NCAM1: variants seen among roughly 807,000 people sequenced by gnomAD.
NCAM1 encodes the protein neural cell adhesion molecule 1, also known as antigen recognized by monoclonal antibody 5.1H11.
Under a neutral mutation model 109.8 loss-of-function variants are expected in NCAM1, and 14 were observed. That is an observed-to-expected ratio of 0.13 (90% CI 0.08 to 0.20). The LOEUF (loss-of-function observed/expected upper bound fraction) is 0.20, where lower values mean the gene tolerates loss of function less well. Among genes scored for constraint, NCAM1 ranks in the 10% least tolerant of loss-of-function variants. The pLI, the probability that NCAM1 is intolerant of heterozygous loss-of-function variation, is 1.00. For synonymous variants in NCAM1, 418 were observed against 442.9 expected, an observed-to-expected ratio of 0.94 and a Z score of 0.70; for missense variants, 774 against 1,109.9, an observed-to-expected ratio of 0.70 and a Z score of 4.30.
At chr11:113,004,675 T>C (rs1951849044) in intron 1 of NCAM1, among the ~76,000 whole-genome samples, 1 of 152,084 alleles carries the variant, frequency 6.6e-6, no homozygotes, top group Admixed American at 6.6e-5. Context: ...TTCAGTATCT[T>C]TTTTCTATCC....
At position 113,173,974 on chromosome 11, in the gene NCAM1, TA is replaced by T. The variant is rs1206425162; in HGVS notation, c.53-28394del. On this transcript the variant is annotated intron_variant, in intron 1 of 19. Transcript: ENST00000316851. The stretch of plus-strand genomic sequence containing the variant: ...TAGCCCTAATGAATGTGCTTGATGT[TA>T]AAAAAAAAAATCTCCATGGCATGTT... Among the ~76,000 whole-genome samples, 1,395 of 147,550 alleles carry T rather than the reference TA, an allele frequency of 9.5e-3. 20 individuals carry two copies. Among genetic ancestry groups the T allele is most frequent in the African/African-American group, 0.029 (1,170 of 40,408 alleles).
At chr11:113,263,720 G>C (rs1946070185) in intron 17 of NCAM1, 4 of 985,560 alleles carry the variant, frequency 4.1e-6, no homozygotes, top group Non-Finnish European at 4.8e-6. Flanking sequence ...TCAGCACAGA[G>C]TGGGGCCGTG....
At chr11:113,048,564 G>A (rs540245826) in intron 1 of NCAM1, among the ~76,000 whole-genome samples, 57 of 152,312 alleles carry the variant, frequency 3.7e-4, no homozygotes, top group African/African-American at 1.3e-3. Context: ...ATCTTGCGAG[G>A]CCTACAGTTT....
At position 113,094,594 on chromosome 11, in the gene NCAM1, TG is replaced by T. The variant is rs1939509035; in HGVS notation, c.53-107782del. Among the ~76,000 whole-genome samples the T allele has an allele frequency of 2.6e-5, 4 of 152,234 alleles. No homozygotes were observed. In the South Asian group the frequency reaches 8.3e-4, roughly 32 times the overall value. ...CAAAAGGCTTATTGAGGCCCATGTC[TG>T]GGTGTCATTCCATGTTTCACAAGCA... is the stretch of plus-strand genomic sequence containing the variant. On this transcript the variant is annotated intron_variant, in intron 1 of 19. Coordinates refer to ENST00000316851, the MANE Select transcript of NCAM1 (RefSeq NM_181351.5).
chr11:113,028,704 G>A (rs1323781010), intron 1 of NCAM1, among the ~76,000 whole-genome samples: 1 of 152,114 alleles, frequency 6.6e-6, no homozygotes, highest in Non-Finnish European at 1.5e-5. Flanking sequence ...TATGAAGGTG[G>A]TTTCTTTCTT....
At chr11:113,270,527 G>A (rs1284931093) in intron 18 of NCAM1, 132 bp downstream of exon 18, 2 of 825,656 alleles carry the variant, frequency 2.4e-6, no homozygotes, top group Non-Finnish European at 1.9e-6. Context: ...GAACCCTGAT[G>A]GGGGAAAAAC....
rs949810651 is a variant in NCAM1 at position 113,275,152 on chromosome 11, G to T, written c.2457-115G>T. On this transcript the variant is annotated intron_variant, in intron 19 of 19. Transcript: ENST00000316851. ...GATTTGACGGGCAGAGGTTGGAGCC[G>T]GGTGCTGTCACTGGAGAACCCCTCC... 5.8e-6 allele frequency: 8 copies of T among 1,375,114 alleles called. No individual in the cohort carries two copies. The Admixed American group carries it at 1.9e-4, about 33-fold the overall frequency. 85.2% of individuals were successfully genotyped at this position (1,375,114 alleles called of 1,614,324 possible). A position where few individuals can be genotyped will look rare whatever the true frequency, so the allele number is the denominator to read the frequency against.
At chr11:113,253,817 A>G (rs1945763470) in intron 15 of NCAM1, among the ~76,000 whole-genome samples, 1 of 152,270 alleles carries the variant, frequency 6.6e-6, no homozygotes, top group African/African-American at 2.4e-5. Flanking sequence ...ATTCTAAGTG[A>G]ACAAAGTTAA....
At chr11:113,257,308 A>G (rs1555122513) in intron 16 of NCAM1, among the ~76,000 whole-genome samples, 1 of 152,244 alleles carries the variant, frequency 6.6e-6, no homozygotes, top group Non-Finnish European at 1.5e-5. Flanking sequence ...TTAGAGCCAG[A>G]CAGACATGGC....
At chr11:113,177,950 G>A (rs1385404429) in intron 1 of NCAM1, among the ~76,000 whole-genome samples, 13 of 152,130 alleles carry the variant, frequency 8.5e-5, no homozygotes, top group Admixed American at 8.5e-4. Context: ...CAGTGAAAGA[G>A]GGATTCACTA....
chr11:113,172,082 C>T (rs1343786812), intron 1 of NCAM1, among the ~76,000 whole-genome samples: 1 of 152,292 alleles, frequency 6.6e-6, no homozygotes, highest in Non-Finnish European at 1.5e-5. Context: ...CCTGGGGACA[C>T]TTTGATCTTG....
At chr11:113,180,239 G>A (rs1222071252) in intron 1 of NCAM1, among the ~76,000 whole-genome samples, 1 of 152,230 alleles carries the variant, frequency 6.6e-6, no homozygotes, top group African/African-American at 2.4e-5. Context: ...AGAACAGTGA[G>A]ATATAGCCCC....
chr11:113,167,715 A>G (rs562322894), intron 1 of NCAM1, among the ~76,000 whole-genome samples: 2 of 152,202 alleles, frequency 1.3e-5, no homozygotes, highest in Non-Finnish European at 2.9e-5. Context: ...CCCGTGTTCT[A>G]TGCATTCTCA....
chr11:113,205,295 A>G (rs191677701), intron 3 of NCAM1, among the ~76,000 whole-genome samples: 30 of 152,254 alleles, frequency 2.0e-4, no homozygotes, highest in African/African-American at 7.2e-4. Context: ...TTCTGCACAA[A>G]ATGTGATAAA....
At chr11:113,218,836 C>A (rs1944604260) in intron 8 of NCAM1, among the ~76,000 whole-genome samples, 1 of 152,190 alleles carries the variant, frequency 6.6e-6, no homozygotes, top group African/African-American at 2.4e-5. Flanking sequence ...AAAAAATTGA[C>A]CATCATAATG....
intron 1 of NCAM1, among the ~76,000 whole-genome samples, chr11:113,081,836 C>CT (rs1314888852): frequency 6.6e-6 from 1 of 152,174 alleles, no homozygotes; most frequent in Non-Finnish European, 1.5e-5. Context: ...GCCGTCTTTT[C>CT]TTTTTTTCTT....
chr11:112,993,301 C>T (rs550662441), intron 1 of NCAM1, among the ~76,000 whole-genome samples: 1 of 152,014 alleles, frequency 6.6e-6, no homozygotes, highest in East Asian at 1.9e-4. Flanking sequence ...AAAGTAGGAG[C>T]AAGTGACAGA....
At chr11:113,128,181 G>A (rs891660691) in intron 1 of NCAM1, among the ~76,000 whole-genome samples, 20 of 152,094 alleles carry the variant, frequency 1.3e-4, no homozygotes, top group African/African-American at 4.3e-4. Flanking sequence ...GCTCAGCATC[G>A]CCCATTTGCT....
At chr11:113,081,391 G>A (rs577782017) in intron 1 of NCAM1, among the ~76,000 whole-genome samples, 2 of 152,200 alleles carry the variant, frequency 1.3e-5, no homozygotes, top group Non-Finnish European at 2.9e-5. Context: ...ATGAACAATA[G>A]AGGAAGTCAG....
Sources: gnomAD v4.1 joint callset for allele counts (sites outside exome capture counted in the v4.1 genomes callset) on GRCh38, gnomAD v4.1.1 for gene constraint, MANE v1.5 for transcripts, NCBI Gene and HGNC (gene_info 2026-07-23, HGNC 2026-07-21) for gene names.